Variants in GRM7 observed in about 807,000 individuals in gnomAD.
GRM7 encodes the protein glutamate metabotropic receptor 7.
In GRM7, 35 loss-of-function variants were observed where a neutral mutation model predicts 84.5. The ratio of observed to expected loss-of-function variants is 0.41; its 90% confidence interval spans 0.32 to 0.55. The LOEUF is 0.55. Among genes scored for constraint, GRM7 ranks in the 20% least tolerant of loss-of-function variants. GRM7 has a pLI of 0.19. For missense variants in GRM7, 1,003 were observed against 1,194.6 expected, an observed-to-expected ratio of 0.84 and a Z score of 2.36; for synonymous variants, 487 against 455.1, an observed-to-expected ratio of 1.07 and a Z score of -0.89.
chr3:7,388,323 G>A (rs1325949181), intron 4 of GRM7, among the ~76,000 whole-genome samples: 2 of 152,036 alleles, frequency 1.3e-5, no homozygotes, highest in African/African-American at 2.4e-5. Flanking sequence ...ACTTCCGGAT[G>A]TGCTGCTGGG....
In GRM7 at chr3:7,586,746, T is replaced by G. The variant is rs558271469; in HGVS notation, c.2451+7389T>G. 9.9e-5 allele frequency among the ~76,000 whole-genome samples: 15 copies of G among 152,254 alleles called. No homozygotes were observed. In the South Asian group the frequency reaches 1.9e-3, roughly 19 times the overall value. Reference sequence around the variant, plus strand: ...GTGCTTGAACCCAGGAGGCAGAGGTTGCAGTGGGCCAAGATTGCACCACTG... The same window carrying G: ...GTGCTTGAACCCAGGAGGCAGAGGTGGCAGTGGGCCAAGATTGCACCACTG... On this transcript the variant is annotated intron_variant, in intron 8 of 9. Transcript: ENST00000357716.
intron 7 of GRM7, among the ~76,000 whole-genome samples, chr3:7,482,846 G>A (rs973561258): frequency 5.9e-5 from 9 of 152,136 alleles, no homozygotes; most frequent in African/African-American, 2.2e-4. Context: ...TGATTCTGAG[G>A]ATTCATGTGC....
chr3:7,038,045 AG>A (rs1422957988), intron 1 of GRM7, among the ~76,000 whole-genome samples: 1 of 152,218 alleles, frequency 6.6e-6, no homozygotes, highest in Admixed American at 6.5e-5. Flanking sequence ...GTCAATAAAA[AG>A]GGCATTCAAA....
intron 8 of GRM7, among the ~76,000 whole-genome samples, chr3:7,675,805 G>A (rs1219788827): frequency 6.6e-6 from 1 of 152,102 alleles, no homozygotes; most frequent in African/African-American, 2.4e-5. Flanking sequence ...ACCTAACCTG[G>A]CAGAAAATAA....
intron 8 of GRM7, among the ~76,000 whole-genome samples, chr3:7,678,851 C>T (rs140992650): frequency 1.1e-3 from 175 of 152,228 alleles, no homozygotes; most frequent in African/African-American, 3.8e-3. Flanking sequence ...TTTTGTATAG[C>T]GATAGGCTGT....
intron 2 of GRM7, among the ~76,000 whole-genome samples, chr3:7,158,500 C>G (rs1436199592): frequency 6.6e-6 from 1 of 152,086 alleles, no homozygotes; most frequent in Non-Finnish European, 1.5e-5. Context: ...CCCCACCCTA[C>G]TCCATGTAGT....
At chr3:7,696,490 G>GTGCA (rs1479340680) in intron 9 of GRM7, among the ~76,000 whole-genome samples, 1 of 152,120 alleles carries the variant, frequency 6.6e-6, no homozygotes, top group African/African-American at 2.4e-5. Context: ...TGGAAGTAAT[G>GTGCA]TGCATATTCA....
At chr3:7,631,359 G>A (rs1281972717) in intron 8 of GRM7, among the ~76,000 whole-genome samples, 1 of 127,044 alleles carries the variant, frequency 7.9e-6, no homozygotes, top group Non-Finnish European at 1.7e-5. Context: ...ACAGAAGGAT[G>A]TTTATTTCAA....
intron 1 of GRM7, among the ~76,000 whole-genome samples, chr3:6,897,359 G>C (rs571599671): frequency 1.3e-5 from 2 of 152,310 alleles, no homozygotes; most frequent in South Asian, 4.1e-4. Flanking sequence ...TTGAGCCCCA[G>C]TGTCTGTGTT....
intron 1 of GRM7, among the ~76,000 whole-genome samples, chr3:7,069,282 G>C (rs1697780211): frequency 6.6e-6 from 1 of 151,986 alleles, no homozygotes; most frequent in South Asian, 2.1e-4. Context: ...ACCAGAACCA[G>C]TGAGTAGTGC....
intron 2 of GRM7, among the ~76,000 whole-genome samples, chr3:7,149,088 C>A (rs1008487926): frequency 2.0e-5 from 3 of 151,948 alleles, no homozygotes; most frequent in East Asian, 1.9e-4. Context: ...GTATCTGGTA[C>A]GTATTTATAA....
At chr3:7,590,688 T>C (rs1286301150) in intron 8 of GRM7, among the ~76,000 whole-genome samples, 1 of 152,132 alleles carries the variant, frequency 6.6e-6, no homozygotes, top group Admixed American at 6.6e-5. Flanking sequence ...ATGCCTTCTT[T>C]ATAGGAGGCT....
At chr3:7,166,354 A>G (rs1694798779) in intron 2 of GRM7, among the ~76,000 whole-genome samples, 1 of 152,198 alleles carries the variant, frequency 6.6e-6, no homozygotes, top group Non-Finnish European at 1.5e-5. Flanking sequence ...AATAGGCTAA[A>G]CAGGCATTTT....
chr3:7,722,803 A>C (rs1303876849), intron 9 of GRM7, among the ~76,000 whole-genome samples: 1 of 151,742 alleles, frequency 6.6e-6, no homozygotes, highest in Non-Finnish European at 1.5e-5. Flanking sequence ...ATCACTCCTG[A>C]ATTAGAGACA....
chr3:6,956,715 T>C (rs182876216), intron 1 of GRM7: 6 of 451,782 alleles, frequency 1.3e-5, no homozygotes, highest in African/African-American at 1.2e-4. Flanking sequence ...AAGGTTTATA[T>C]CTCACAATTG....
At chr3:7,694,162 C>G (rs1700927321) in intron 9 of GRM7, among the ~76,000 whole-genome samples, 1 of 152,108 alleles carries the variant, frequency 6.6e-6, no homozygotes, top group South Asian at 2.1e-4. Context: ...CAAGAAAATG[C>G]TGACTCTTTA....
chr3:7,407,656 G>C (rs540068088), intron 4 of GRM7, among the ~76,000 whole-genome samples: 31 of 152,274 alleles, frequency 2.0e-4, no homozygotes, highest in Middle Eastern at 6.8e-3. Flanking sequence ...AATATGTGAA[G>C]AAATGAATGA....
intron 2 of GRM7, among the ~76,000 whole-genome samples, chr3:7,236,753 C>G (rs927923929): frequency 6.6e-6 from 1 of 152,162 alleles, no homozygotes; most frequent in African/African-American, 2.4e-5. Flanking sequence ...CCAGAGCACT[C>G]AGCTCTCAGT....
At chr3:7,389,805 G>T (rs1034357623) in intron 4 of GRM7, among the ~76,000 whole-genome samples, 9 of 151,430 alleles carry the variant, frequency 5.9e-5, no homozygotes, top group Non-Finnish European at 1.3e-4. Flanking sequence ...AATCCAATTT[G>T]CCACTCTATT....
Sources: gnomAD v4.1 joint callset for allele counts (sites outside exome capture counted in the v4.1 genomes callset) on GRCh38, gnomAD v4.1.1 for gene constraint, MANE v1.5 for transcripts, NCBI Gene and HGNC (gene_info 2026-07-23, HGNC 2026-07-21) for gene names.